The following CSMD1 variants were observed in gnomAD, a reference collection of about 807,000 sequenced individuals.
CSMD1 encodes CUB and sushi domain-containing protein 1.
In CSMD1, 213 loss-of-function variants were observed where a neutral mutation model predicts 417.5. The ratio of observed to expected loss-of-function variants is 0.51; its 90% CI spans 0.46 to 0.57. The LOEUF (loss-of-function observed/expected upper bound fraction) is 0.57, where lower values mean the gene tolerates loss of function less well. CSMD1 is among the 20% of genes least tolerant of loss of function. CSMD1 has a pLI of 0.00. For missense variants in CSMD1, 6,923 were observed against 4,529.7 expected (o/e 1.53, Z -15.17); for synonymous variants, 2,862 against 1,736.8 (o/e 1.65, Z -16.11).
At chr8:4,092,119 T>C (rs1800753770) in intron 3 of CSMD1, among the ~76,000 whole-genome samples, 1 of 152,212 alleles carries the variant, frequency 6.6e-6, no homozygotes, top group Non-Finnish European at 1.5e-5. Flanking sequence ...AGAGAAATAC[T>C]TTCTCCTTAA....
intron 5 of CSMD1, among the ~76,000 whole-genome samples, chr8:3,961,708 G>C (rs1812337116): frequency 6.6e-6 from 1 of 152,134 alleles, no homozygotes; most frequent in Non-Finnish European, 1.5e-5. Context: ...AGATTGCTGC[G>C]ATACTCATGG....
intron 3 of CSMD1, among the ~76,000 whole-genome samples, chr8:4,409,636 TTTTTTC>T (rs1387800756): frequency 1.9e-5 from 1 of 52,998 alleles, no homozygotes; most frequent in Non-Finnish European, 3.2e-5. Flanking sequence ...TTATTTGACT[TTTTTTC>T]TTTTTTTTTT....
chr8:3,985,132 A>C (rs543700165), intron 5 of CSMD1, among the ~76,000 whole-genome samples: 5 of 152,046 alleles, frequency 3.3e-5, no homozygotes, highest in African/African-American at 7.2e-5. Flanking sequence ...TAGATCATGT[A>C]CTTCAGGAGA....
chr8:4,242,832 A>G (rs1243368025), intron 3 of CSMD1, among the ~76,000 whole-genome samples: 1 of 152,224 alleles, frequency 6.6e-6, no homozygotes, highest in African/African-American at 2.4e-5. Flanking sequence ...ACATGTGACT[A>G]TTAGTGAAGT....
intron 2 of CSMD1, among the ~76,000 whole-genome samples, chr8:4,536,488 C>G (rs544286225): frequency 1.3e-5 from 2 of 152,054 alleles, no homozygotes; most frequent in African/African-American, 4.8e-5. Flanking sequence ...CTTTCTCTAC[C>G]TTGTCTTTTT....
chr8:4,072,675 A>C (rs948624443), intron 3 of CSMD1, among the ~76,000 whole-genome samples: 1 of 152,152 alleles, frequency 6.6e-6, no homozygotes, highest in East Asian at 1.9e-4. Flanking sequence ...ATTTCTGTGG[A>C]TCTCCTAGAA....
At chr8:4,503,275 T>C (rs1802351767) in intron 2 of CSMD1, among the ~76,000 whole-genome samples, 1 of 152,108 alleles carries the variant, frequency 6.6e-6, no homozygotes, top group Non-Finnish European at 1.5e-5. Context: ...CTGCTTGACA[T>C]TTATGATAAG....
chr8:4,906,304 C>G (rs1288020597), intron 1 of CSMD1, among the ~76,000 whole-genome samples: 1 of 152,166 alleles, frequency 6.6e-6, no homozygotes, highest in Non-Finnish European at 1.5e-5. Context: ...TCAGTTAACA[C>G]TCTTTATATG....
At position 3,692,080 on chromosome 8, in the gene CSMD1, G is replaced by A. The variant is rs541187715; in HGVS notation, c.1009+16334C>T. ...TCCGGGTGAGATCTCAGTCAACTTC[G>A]CAATCATCCTCTGACTCATCTGGAG... On this transcript the variant is annotated intron_variant, in intron 7 of 69. Transcript: ENST00000635120. Among the ~76,000 whole-genome samples, 29 of 152,170 alleles carry A rather than the reference G, an allele frequency of 1.9e-4. No homozygotes were observed. In the South Asian group the frequency reaches 5.4e-3, roughly 28 times the overall value.
chr8:3,458,333 T>C (rs985583265), intron 12 of CSMD1, among the ~76,000 whole-genome samples: 1 of 152,204 alleles, frequency 6.6e-6, no homozygotes, highest in Non-Finnish European at 1.5e-5. Context: ...TAATGGCTTA[T>C]CTCACATTAT....
chr8:4,746,323 A>C (rs1810948582), intron 1 of CSMD1, among the ~76,000 whole-genome samples: 2 of 152,134 alleles, frequency 1.3e-5, no homozygotes, highest in African/African-American at 2.4e-5. Flanking sequence ...CAGAATAGCG[A>C]CTGTAGGCAC....
intron 10 of CSMD1, among the ~76,000 whole-genome samples, chr8:3,529,494 C>A (rs1797889361): frequency 6.6e-6 from 1 of 152,166 alleles, no homozygotes; most frequent in Non-Finnish European, 1.5e-5. Flanking sequence ...GATTATGTGA[C>A]TCTGGCTCTA....
chr8:3,184,770 T>G (rs1407457444), intron 36 of CSMD1, among the ~76,000 whole-genome samples: 1 of 152,198 alleles, frequency 6.6e-6, no homozygotes, highest in Non-Finnish European at 1.5e-5. Context: ...TGCCTCAGGA[T>G]AGCCAATAGT....
chr8:3,410,978 C>G (rs1415722208), intron 12 of CSMD1, among the ~76,000 whole-genome samples: 1 of 152,118 alleles, frequency 6.6e-6, no homozygotes, highest in Non-Finnish European at 1.5e-5. Flanking sequence ...GCAATCAGCC[C>G]TTCGAAAAGG....
At chr8:4,956,477 A>G (rs1809118902) in intron 1 of CSMD1, among the ~76,000 whole-genome samples, 1 of 148,460 alleles carries the variant, frequency 6.7e-6, no homozygotes. Flanking sequence ...ATATTATAAA[A>G]TGCATATGTG....
intron 3 of CSMD1, among the ~76,000 whole-genome samples, chr8:4,356,165 C>A (rs1801418243): frequency 6.6e-6 from 1 of 152,106 alleles, no homozygotes; most frequent in African/African-American, 2.4e-5. Flanking sequence ...CCTTTGCATC[C>A]TTATAGCTTA....
intron 3 of CSMD1, among the ~76,000 whole-genome samples, chr8:4,195,170 T>C (rs1457806039): frequency 1.3e-5 from 2 of 152,222 alleles, no homozygotes; most frequent in Admixed American, 1.3e-4. Flanking sequence ...AACATGTGTG[T>C]ACACTGACTT....
intron 3 of CSMD1, among the ~76,000 whole-genome samples, chr8:4,170,598 G>A (rs1401836145): frequency 4.6e-5 from 7 of 151,752 alleles, no homozygotes; most frequent in East Asian, 1.9e-4. Flanking sequence ...TTCAAATTCT[G>A]TTTCTACAAA....
chr8:4,072,375 G>C (rs563967685), intron 3 of CSMD1, among the ~76,000 whole-genome samples: 1 of 152,038 alleles, frequency 6.6e-6, no homozygotes, highest in Non-Finnish European at 1.5e-5. Context: ...ATAGCTACCT[G>C]CCTTTAGTTT....
Sources: gnomAD v4.1 joint callset for allele counts (sites outside exome capture counted in the v4.1 genomes callset) on GRCh38, gnomAD v4.1.1 for gene constraint, MANE v1.5 for transcripts, NCBI Gene and HGNC (gene_info 2026-07-23, HGNC 2026-07-21) for gene names.